The following PHACTR4 variants were observed in gnomAD, a reference collection of about 807,000 sequenced individuals.
PHACTR4 encodes phosphatase and actin regulator 4.
Under a neutral mutation model 72.7 loss-of-function variants are expected in PHACTR4, and 51 were observed. The observed-to-expected ratio is 0.70, with a 90% confidence interval of 0.56 to 0.89. The LOEUF is 0.89. Among genes scored for constraint, PHACTR4 ranks in the 40% least tolerant of loss-of-function variants. PHACTR4 has a pLI of 0.00. For synonymous variants in PHACTR4, 255 were observed against 302.5 expected (o/e 0.84, Z 1.63); for missense variants, 731 against 861.8 (o/e 0.85, Z 1.90).
intron 1 of PHACTR4, among the ~76,000 whole-genome samples, chr1:28,388,672 A>AT (rs1652765120): frequency 6.6e-6 from 1 of 152,218 alleles, no homozygotes; most frequent in Non-Finnish European, 1.5e-5. Context: ...CAACATGGTG[A>AT]AACCCCGTCT....
At chr1:28,381,847 G>A (rs1163224666) in intron 1 of PHACTR4, among the ~76,000 whole-genome samples, 2 of 151,940 alleles carry the variant, frequency 1.3e-5, no homozygotes, top group African/African-American at 2.4e-5. Flanking sequence ...ATCTTGGCTC[G>A]CTGAAACCTC....
chr1:28,482,654 G>T (rs1045394431), intron 9 of PHACTR4, among the ~76,000 whole-genome samples: 5 of 152,232 alleles, frequency 3.3e-5, no homozygotes, highest in Non-Finnish European at 5.9e-5. Flanking sequence ...CCTGGTTTTG[G>T]CTGGGCAAGG....
chr1:28,379,290 CAG>C (rs905197492), intron 1 of PHACTR4, among the ~76,000 whole-genome samples: 1 of 140,080 alleles, frequency 7.1e-6, no homozygotes, highest in African/African-American at 2.8e-5. Context: ...TTTTTTGAAA[CAG>C]AGTCTCAGTC....
intron 1 of PHACTR4, among the ~76,000 whole-genome samples, chr1:28,404,793 A>G (rs1019563732): frequency 2.0e-5 from 3 of 152,154 alleles, no homozygotes; most frequent in Non-Finnish European, 4.4e-5. Context: ...TTCAGGTTAC[A>G]CGTACACTTG....
At chr1:28,459,580 T>C (rs929890914) in intron 3 of PHACTR4, among the ~76,000 whole-genome samples, 29 of 151,962 alleles carry the variant, frequency 1.9e-4, no homozygotes, top group African/African-American at 6.5e-4. Context: ...TTTTAAATTC[T>C]TTGTAGAGAT....
intron 13 of PHACTR4, among the ~76,000 whole-genome samples, chr1:28,494,787 G>A (rs1264283340): frequency 6.6e-6 from 1 of 152,194 alleles, no homozygotes. Flanking sequence ...TAGAAAATGG[G>A]TTGCAGTCCC....
chr1:28,470,401 A>AT (rs1659487339), intron 6 of PHACTR4, among the ~76,000 whole-genome samples: 1 of 152,108 alleles, frequency 6.6e-6, no homozygotes. Flanking sequence ...TCTAAAAAAA[A>AT]AGAAAAGGCT....
At chr1:28,412,088 T>C (rs1284702347) in intron 2 of PHACTR4, among the ~76,000 whole-genome samples, 1 of 152,206 alleles carries the variant, frequency 6.6e-6, no homozygotes, top group Non-Finnish European at 1.5e-5. Context: ...TTAATATCAC[T>C]ATTGGTCTCG....
intron 2 of PHACTR4, among the ~76,000 whole-genome samples, chr1:28,453,322 G>A (rs1468891050): frequency 1.3e-5 from 2 of 152,064 alleles, no homozygotes; most frequent in East Asian, 1.9e-4. Context: ...ATAACACCAC[G>A]GGACCTACAA....
At chr1:28,453,983 AG>A in intron 2 of PHACTR4, 1 of 494,750 alleles carries the variant, frequency 2.0e-6, no homozygotes, top group Non-Finnish European at 3.8e-6. Context: ...TGGAAGGCCA[AG>A]GTGGGAGGAT....
chr1:28,386,266 G>T (rs1251225809), intron 1 of PHACTR4, among the ~76,000 whole-genome samples: 2 of 151,780 alleles, frequency 1.3e-5, no homozygotes, highest in African/African-American at 4.8e-5. Context: ...GCAAATTTTT[G>T]GACTTTTAGT....
chr1:28,407,285 C>A, intron 1 of PHACTR4, 125 bp from the exon 2 acceptor site: 9 of 404,494 alleles, frequency 2.2e-5, no homozygotes, highest in South Asian at 1.1e-4. Context: ...ATAAGTTGTA[C>A]ATTTCTATAA....
At chr1:28,429,045 C>A (rs1342394439) in intron 2 of PHACTR4, among the ~76,000 whole-genome samples, 1 of 152,188 alleles carries the variant, frequency 6.6e-6, no homozygotes, top group Admixed American at 6.5e-5. Context: ...ACAAGAGTTA[C>A]AGCGTTTGAT....
intron 1 of PHACTR4, among the ~76,000 whole-genome samples, chr1:28,379,471 G>A (rs1256408516): frequency 3.3e-5 from 5 of 151,308 alleles, no homozygotes; most frequent in East Asian, 1.9e-4. Flanking sequence ...ATGGGATTTC[G>A]CCATGTTGCC....
intron 8 of PHACTR4, among the ~76,000 whole-genome samples, chr1:28,476,527 GT>G (rs147125987): frequency 2.1e-5 from 3 of 139,782 alleles, no homozygotes; most frequent in African/African-American, 5.4e-5. Flanking sequence ...TAGGTTTTTT[GT>G]TTTTTTTTGT....
At chr1:28,411,053 G>T (rs6598932) in intron 2 of PHACTR4, among the ~76,000 whole-genome samples, 58,604 of 150,990 alleles carry the variant, frequency 0.39, 13,081 homozygotes, top group African/African-American at 0.61. Flanking sequence ...TTTGTTTTTT[G>T]GGGGTTTTTT....
At chr1:28,426,897 T>C (rs1396743963) in intron 2 of PHACTR4, among the ~76,000 whole-genome samples, 1 of 152,176 alleles carries the variant, frequency 6.6e-6, no homozygotes, top group Non-Finnish European at 1.5e-5. Flanking sequence ...AAGTTCAGCA[T>C]GTCCAGTAGA....
At chr1:28,464,245 C>T (rs1048884443) in intron 4 of PHACTR4, among the ~76,000 whole-genome samples, 2 of 152,132 alleles carry the variant, frequency 1.3e-5, no homozygotes, top group African/African-American at 2.4e-5. Context: ...GGATTACAGG[C>T]GTGAGCCACT....
chr1:28,410,133 AT>A (rs1414568364), intron 2 of PHACTR4, among the ~76,000 whole-genome samples: 10 of 151,618 alleles, frequency 6.6e-5, no homozygotes, highest in Non-Finnish European at 1.5e-4. Context: ...CACCCAGCTC[AT>A]TTTTTGTATT....
Sources: allele counts gnomAD v4.1 joint callset (sites outside exome capture counted in the v4.1 genomes callset), GRCh38; gene constraint gnomAD v4.1.1; transcripts MANE v1.5; gene names NCBI Gene and HGNC (gene_info 2026-07-23, HGNC 2026-07-21).